Variants in ASTN2 observed in about 807,000 individuals in gnomAD.
ASTN2 encodes the protein astrotactin-2.
ASTN2 carries 54 observed loss-of-function variants against 139.8 expected under a neutral mutation model. The observed-to-expected ratio is 0.39, with a 90% CI of 0.31 to 0.48. The LOEUF (loss-of-function observed/expected upper bound fraction) is 0.48, where lower values mean the gene tolerates loss of function less well. Among genes scored for constraint, ASTN2 ranks in the 20% least tolerant of loss-of-function variants. The probability of loss-of-function intolerance (pLI) is 0.95; values close to 1 mark genes in which losing one functional copy is unlikely to be tolerated. For missense variants in ASTN2, 1,565 were observed against 1,725.1 expected, an observed-to-expected ratio of 0.91 and a Z score of 1.64; for synonymous variants, 756 against 719.5, an observed-to-expected ratio of 1.05 and a Z score of -0.81.
intron 4 of ASTN2, among the ~76,000 whole-genome samples, chr9:117,109,584 C>A (rs1829198267): frequency 6.6e-6 from 1 of 152,040 alleles, no homozygotes; most frequent in African/African-American, 2.4e-5. Flanking sequence ...TATAAAATAT[C>A]TTTATTCTCC....
chr9:116,743,845 T>C (rs916281317), intron 13 of ASTN2, among the ~76,000 whole-genome samples: 1 of 152,136 alleles, frequency 6.6e-6, no homozygotes, highest in Non-Finnish European at 1.5e-5. Context: ...CTTGAGAGAA[T>C]TATTATGTCA....
intron 2 of ASTN2, among the ~76,000 whole-genome samples, chr9:117,248,223 C>A (rs1306196358): frequency 3.3e-5 from 5 of 152,160 alleles, no homozygotes; most frequent in Non-Finnish European, 5.9e-5. Flanking sequence ...TGGAAGGAAG[C>A]TTCGAATGGT....
At chr9:116,970,986 A>G (rs982710174) in intron 10 of ASTN2, among the ~76,000 whole-genome samples, 7 of 152,046 alleles carry the variant, frequency 4.6e-5, no homozygotes, top group African/African-American at 1.4e-4. Context: ...TTCTCCCTCC[A>G]CAAGCATCTT....
intron 2 of ASTN2, among the ~76,000 whole-genome samples, chr9:117,288,595 G>A (rs1834507194): frequency 6.6e-6 from 1 of 152,206 alleles, no homozygotes. Context: ...TAGCCCAGGA[G>A]ACTTAGACAA....
chr9:116,881,775 G>T (rs1360027108), intron 10 of ASTN2, among the ~76,000 whole-genome samples: 1 of 152,190 alleles, frequency 6.6e-6, no homozygotes, highest in Non-Finnish European at 1.5e-5. Flanking sequence ...GGAAATCATA[G>T]GCAGCAACAG....
chr9:116,657,017 C>A (rs999023260), intron 16 of ASTN2, among the ~76,000 whole-genome samples: 4 of 152,138 alleles, frequency 2.6e-5, no homozygotes, highest in African/African-American at 9.7e-5. Flanking sequence ...TCATAAAGAA[C>A]GGCCTTTATT....
chr9:117,323,190 CAG>C (rs1047662792), intron 1 of ASTN2, among the ~76,000 whole-genome samples: 2 of 152,112 alleles, frequency 1.3e-5, no homozygotes, highest in Non-Finnish European at 2.9e-5. Context: ...CATATACACA[CAG>C]AGATACCATG....
intron 13 of ASTN2, among the ~76,000 whole-genome samples, chr9:116,744,325 T>G (rs1829178061): frequency 6.6e-6 from 1 of 151,682 alleles, no homozygotes; most frequent in Admixed American, 6.6e-5. Flanking sequence ...ATCTCATGGG[T>G]TTTCTAAGTG....
intron 22 of ASTN2, among the ~76,000 whole-genome samples, chr9:116,435,137 A>AG (rs1243840040): frequency 2.0e-5 from 3 of 152,140 alleles, no homozygotes; most frequent in Non-Finnish European, 4.4e-5. Flanking sequence ...TATGACCTTC[A>AG]GGGTTTTCTG....
Position 117,414,431 on chromosome 9 carries a change from C to A in ASTN2, c.442+66G>T. 1.9e-6 allele frequency: 3 copies of A among 1,584,978 alleles called. No individual in the cohort carries two copies. The highest frequency in any genetic ancestry group is 2.6e-6 in the Non-Finnish European group (3 of 1,165,736). ...GCAGGGATCCCCAGGGCGCCCCCAC[C>A]CGTCCGGCATGACGCAGGGGCTCGG... is the stretch of plus-strand genomic sequence containing the variant. On this transcript the variant is annotated intron_variant, in intron 1 of 22. Coordinates refer to ENST00000313400, the MANE Select transcript of ASTN2 (RefSeq NM_001365068.1). This position sits in a 1 kb window ranked among gnomAD's most constrained non-coding sequence, Gnocchi z 4.2.
chr9:116,964,252 TGTGTGC>T (rs1297519540), intron 10 of ASTN2, among the ~76,000 whole-genome samples: 2,114 of 128,852 alleles, frequency 0.016, 27 homozygotes, highest in African/African-American at 0.036. Context: ...TGTGTGTGTG[TGTGTGC>T]GCGCGCGCGC....
At chr9:117,268,588 G>A (rs1158954132) in intron 2 of ASTN2, among the ~76,000 whole-genome samples, 1 of 152,132 alleles carries the variant, frequency 6.6e-6, no homozygotes, top group East Asian at 1.9e-4. Context: ...TGACCCAAAA[G>A]TATGAAAACC....
chr9:116,477,544 G>A (rs1588095280), intron 20 of ASTN2, among the ~76,000 whole-genome samples: 1 of 152,150 alleles, frequency 6.6e-6, no homozygotes, highest in South Asian at 2.1e-4. Flanking sequence ...CTTGTACTTA[G>A]GCTGGTGTGG....
chr9:117,363,887 G>T (rs1829760720), intron 1 of ASTN2, among the ~76,000 whole-genome samples: 1 of 152,104 alleles, frequency 6.6e-6, no homozygotes, highest in African/African-American at 2.4e-5. Flanking sequence ...GACCTACTAG[G>T]ATTGTGTAGT....
At chr9:117,075,124 C>T (rs542863283) in intron 5 of ASTN2, among the ~76,000 whole-genome samples, 1 of 152,320 alleles carries the variant, frequency 6.6e-6, no homozygotes, top group African/African-American at 2.4e-5. Context: ...CCACTCCTGC[C>T]CCAACATCCT....
intron 2 of ASTN2, among the ~76,000 whole-genome samples, chr9:117,220,940 G>A (rs1203532329): frequency 6.6e-6 from 1 of 152,108 alleles, no homozygotes; most frequent in Non-Finnish European, 1.5e-5. Context: ...CAGTCCTCTG[G>A]CTGTTGTTAT....
At chr9:116,904,384 A>G (rs1485843709) in intron 10 of ASTN2, among the ~76,000 whole-genome samples, 1 of 152,158 alleles carries the variant, frequency 6.6e-6, no homozygotes, top group African/African-American at 2.4e-5. Flanking sequence ...GGACCGCAGA[A>G]TGACACTCAC....
chr9:116,976,775 G>A lies in ASTN2; in HGVS notation c.1602C>T (p.Ser534=), dbSNP rs1447035318. 1.2e-6 allele frequency: 2 copies of A among 1,613,950 alleles called. No individual in the cohort carries two copies. The highest frequency in any genetic ancestry group is 1.7e-6 in the Non-Finnish European group (2 of 1,179,874). ...QLCDPETGEC[S]CHEGYAPDPV... is the part of the protein sequence containing the mutation. The stretch of plus-strand genomic sequence containing the variant: ...GGTCAGGGGCATAGCCTTCATGACA[G>A]CTGCACTCTCCTGTAAGTGAAAAGA... Residue 534 remains serine (S), a synonymous_variant, in exon 8 of 23, where the codon AGC becomes AGT. Transcript: ENST00000313400.
chr9:116,469,773 C>T (rs1369251448), intron 20 of ASTN2, among the ~76,000 whole-genome samples: 1 of 152,108 alleles, frequency 6.6e-6, no homozygotes, highest in South Asian at 2.1e-4. Context: ...ACACTATACC[C>T]CATAAACTGT....
Sources: allele counts gnomAD v4.1 joint callset (sites outside exome capture counted in the v4.1 genomes callset), GRCh38; gene constraint gnomAD v4.1.1; non-coding constraint Gnocchi (gnomAD v3.1); transcripts MANE v1.5; gene names NCBI Gene and HGNC (gene_info 2026-07-23, HGNC 2026-07-21).